PLXDC2: variants seen among roughly 807,000 people sequenced by gnomAD.
The protein encoded by PLXDC2 is plexin domain-containing protein 2.
PLXDC2 carries 40 observed loss-of-function variants against 68.9 expected under a neutral mutation model. That is an observed-to-expected ratio of 0.58 (90% CI 0.45 to 0.76). The LOEUF is 0.76. Among genes scored for constraint, PLXDC2 ranks in the 30% least tolerant of loss-of-function variants. The pLI is 0.00. For missense variants in PLXDC2, 644 were observed against 661.9 expected (o/e 0.97, Z 0.30); for synonymous variants, 243 against 234.2 (o/e 1.04, Z -0.34).
At chr10:19,882,275 A>T (rs17757409) in intron 1 of PLXDC2, among the ~76,000 whole-genome samples, 1 of 152,274 alleles carries the variant, frequency 6.6e-6, no homozygotes, top group South Asian at 2.1e-4. Context: ...CACAATAAAC[A>T]TCAATGCATT....
At chr10:20,233,307 G>A (rs1403866424) in intron 12 of PLXDC2, among the ~76,000 whole-genome samples, 2 of 151,270 alleles carry the variant, frequency 1.3e-5, no homozygotes, top group African/African-American at 2.4e-5. Context: ...GAGAGGATCA[G>A]TTGAGGCCAG....
At chr10:20,054,137 C>T (rs1387521689) in intron 3 of PLXDC2, among the ~76,000 whole-genome samples, 2 of 151,836 alleles carry the variant, frequency 1.3e-5, no homozygotes, top group African/African-American at 2.4e-5. Context: ...GCAGAGTGGG[C>T]GTCAGTGGAG....
At chr10:19,843,739 G>A (rs1589496432) in intron 1 of PLXDC2, among the ~76,000 whole-genome samples, 1 of 152,318 alleles carries the variant, frequency 6.6e-6, no homozygotes, top group East Asian at 1.9e-4. Context: ...TGGAGCTAAA[G>A]AATAGAATGA....
At chr10:19,834,617 A>G (rs1836756369) in intron 1 of PLXDC2, among the ~76,000 whole-genome samples, 1 of 152,248 alleles carries the variant, frequency 6.6e-6, no homozygotes, top group African/African-American at 2.4e-5. Flanking sequence ...GGATTAGCCT[A>G]TAAACTAAAC....
At chr10:20,271,128 A>AAAAG (rs1835934345) in intron 13 of PLXDC2, among the ~76,000 whole-genome samples, 1 of 28,176 alleles carries the variant, frequency 3.5e-5, no homozygotes, top group Non-Finnish European at 6.8e-5. Flanking sequence ...TAAGACAAAA[A>AAAAG]ACAGACACAC....
At chr10:19,957,426 A>C (rs1266946141) in intron 1 of PLXDC2, among the ~76,000 whole-genome samples, 3 of 152,192 alleles carry the variant, frequency 2.0e-5, no homozygotes, top group Admixed American at 1.3e-4. Flanking sequence ...AGTTCCAGAT[A>C]ACATTTTAGT....
intron 3 of PLXDC2, among the ~76,000 whole-genome samples, chr10:20,067,151 T>A (rs562352707): frequency 2.3e-4 from 35 of 152,266 alleles, no homozygotes; most frequent in East Asian, 9.6e-4. Context: ...ATTTATTTTT[T>A]AAAAAAATAG....
intron 1 of PLXDC2, among the ~76,000 whole-genome samples, chr10:19,988,065 G>T (rs1420693107): frequency 2.0e-5 from 3 of 152,036 alleles, no homozygotes; most frequent in African/African-American, 2.4e-5. Context: ...ATGAATAAAT[G>T]TAATGCTTTT....
At chr10:19,844,124 G>T (rs1325634012) in intron 1 of PLXDC2, among the ~76,000 whole-genome samples, 3 of 152,186 alleles carry the variant, frequency 2.0e-5, no homozygotes, top group African/African-American at 7.2e-5. Context: ...CAGGAAAATT[G>T]TATCTGTAGT....
At chr10:19,940,850 T>A (rs984098707) in intron 1 of PLXDC2, among the ~76,000 whole-genome samples, 1 of 152,226 alleles carries the variant, frequency 6.6e-6, no homozygotes, top group East Asian at 1.9e-4. Flanking sequence ...TAATTTGAGC[T>A]ATCTCTGAGC....
intron 1 of PLXDC2, among the ~76,000 whole-genome samples, chr10:19,946,264 C>T (rs1360637539): frequency 6.6e-6 from 1 of 151,984 alleles, no homozygotes; most frequent in Non-Finnish European, 1.5e-5. Flanking sequence ...GATGGGGAAG[C>T]CTCTCATTGT....
At chr10:19,968,386 C>T (rs1049134206) in intron 1 of PLXDC2, among the ~76,000 whole-genome samples, 1 of 152,164 alleles carries the variant, frequency 6.6e-6, no homozygotes, top group African/African-American at 2.4e-5. Flanking sequence ...GATCTCCGCT[C>T]CCTGCAACCT....
At chr10:19,841,308 C>T (rs995047350) in intron 1 of PLXDC2, among the ~76,000 whole-genome samples, 1 of 152,124 alleles carries the variant, frequency 6.6e-6, no homozygotes, top group African/African-American at 2.4e-5. Flanking sequence ...ATGTAAGTTT[C>T]TACCTTGTTC....
chr10:19,936,226 G>C (rs1316570257), intron 1 of PLXDC2, among the ~76,000 whole-genome samples: 1 of 152,156 alleles, frequency 6.6e-6, no homozygotes, highest in Non-Finnish European at 1.5e-5. Flanking sequence ...TGTGTACTCT[G>C]CTCTGGAAAC....
chr10:20,186,668 T>C (rs978390304), intron 9 of PLXDC2, among the ~76,000 whole-genome samples: 2 of 152,040 alleles, frequency 1.3e-5, no homozygotes, highest in African/African-American at 4.8e-5. Flanking sequence ...ATGCAGTATT[T>C]GGTTTTCAGT....
intron 4 of PLXDC2, among the ~76,000 whole-genome samples, chr10:20,131,131 G>T (rs1255016180): frequency 1.3e-5 from 2 of 148,838 alleles, no homozygotes; most frequent in Admixed American, 1.3e-4. Context: ...TTGTTTGGAG[G>T]TTTTTGATTA....
intron 3 of PLXDC2, among the ~76,000 whole-genome samples, chr10:20,061,146 A>G (rs1026264991): frequency 3.3e-5 from 5 of 152,218 alleles, no homozygotes; most frequent in African/African-American, 1.2e-4. Flanking sequence ...CGTTGGTACT[A>G]TACTCTTAGC....
chr10:20,276,909 GA>G (rs1447989639), intron 13 of PLXDC2, among the ~76,000 whole-genome samples: 1 of 152,070 alleles, frequency 6.6e-6, no homozygotes, highest in Non-Finnish European at 1.5e-5. Flanking sequence ...AGATGTTAAG[GA>G]CTTTTCTATG....
At chr10:20,034,054 A>AT (rs1165111018) in intron 2 of PLXDC2, among the ~76,000 whole-genome samples, 1 of 152,160 alleles carries the variant, frequency 6.6e-6, no homozygotes, top group African/African-American at 2.4e-5. Flanking sequence ...GATTATGAGA[A>AT]TTTTTTATCC....
Sources: gnomAD v4.1 joint callset for allele counts (sites outside exome capture counted in the v4.1 genomes callset) on GRCh38, gnomAD v4.1.1 for gene constraint, MANE v1.5 for transcripts, NCBI Gene and HGNC (gene_info 2026-07-23, HGNC 2026-07-21) for gene names.